The following CSTPP1 variants were observed in gnomAD, a reference collection of about 807,000 sequenced individuals.
The protein encoded by CSTPP1 is centriolar satellite-associated tubulin polyglutamylase complex regulator 1.
the CSTPP1 span, among the ~76,000 whole-genome samples, chr11:47,008,060 C>T: frequency 1.7e-4 from 26 of 152,146 alleles, no homozygotes; most frequent in East Asian, 4.1e-3. Context: ...CTCTGCCTCC[C>T]GGGTTCAAGT....
chr11:47,164,124 C>A, the CSTPP1 span: 5 of 1,613,454 alleles, frequency 3.1e-6, no homozygotes, highest in South Asian at 3.3e-5. Flanking sequence ...CCGGACCTCA[C>A]GGCAGCACAG....
At chr11:47,051,518 G>A in the CSTPP1 span, among the ~76,000 whole-genome samples, 277 of 151,700 alleles carry the variant, frequency 1.8e-3, no homozygotes, top group African/African-American at 6.2e-3. Flanking sequence ...TTCTTGTTCT[G>A]TTTGGACCCT....
the CSTPP1 span, among the ~76,000 whole-genome samples, chr11:47,081,835 A>G: frequency 1.3e-5 from 2 of 152,092 alleles, no homozygotes; most frequent in Non-Finnish European, 2.9e-5. Flanking sequence ...TCATACCTGT[A>G]ATCCCAGCAC....
chr11:47,105,348 A>C, the CSTPP1 span, among the ~76,000 whole-genome samples: 1 of 151,984 alleles, frequency 6.6e-6, no homozygotes, highest in Non-Finnish European at 1.5e-5. Context: ...AATAAATAAA[A>C]ATTTTAAAAG....
the CSTPP1 span, among the ~76,000 whole-genome samples, chr11:47,020,810 C>T: frequency 6.6e-6 from 1 of 152,158 alleles, no homozygotes; most frequent in Admixed American, 6.5e-5. Flanking sequence ...CTAATAGGCA[C>T]AGTGTTTGGG....
the CSTPP1 span, among the ~76,000 whole-genome samples, chr11:47,088,526 T>C: frequency 1.2e-4 from 18 of 152,296 alleles, no homozygotes; most frequent in South Asian, 4.1e-4. Flanking sequence ...ACAGGACTAG[T>C]AAAAATAAAT....
At chr11:46,944,651 A>G in the CSTPP1 span, among the ~76,000 whole-genome samples, 6 of 152,094 alleles carry the variant, frequency 3.9e-5, no homozygotes, top group East Asian at 3.9e-4. Flanking sequence ...ACTTTGGCTT[A>G]AAGACTCTCA....
chr11:46,936,820 G>A, the CSTPP1 span: 3 of 1,608,746 alleles, frequency 1.9e-6, no homozygotes, highest in African/African-American at 4.0e-5. Context: ...TGAGTCCGGA[G>A]CGCCTAGCCC....
At chr11:47,157,151 C>A in the CSTPP1 span, 1 of 1,613,408 alleles carries the variant, frequency 6.2e-7, no homozygotes, top group Non-Finnish European at 8.5e-7. Flanking sequence ...GGCCGGCACG[C>A]TGGAGGGCGT....
chr11:47,120,185 T>G, the CSTPP1 span, among the ~76,000 whole-genome samples: 15 of 152,360 alleles, frequency 9.8e-5, no homozygotes, highest in South Asian at 2.7e-3. The surrounding 1 kb of genome is among the most constrained non-coding windows in gnomAD (Gnocchi z 4.2). Context: ...TATGTTGAGA[T>G]GCATTGAGAT....
At chr11:47,101,830 A>G in the CSTPP1 span, among the ~76,000 whole-genome samples, 423 of 152,276 alleles carry the variant, frequency 2.8e-3, 3 homozygotes, top group Middle Eastern at 0.027. Flanking sequence ...CCGTGATCCT[A>G]GATTAAAGTA....
the CSTPP1 span, among the ~76,000 whole-genome samples, chr11:46,986,630 G>A: frequency 6.6e-5 from 10 of 151,856 alleles, no homozygotes; most frequent in African/African-American, 2.2e-4. Context: ...CACTGCATCT[G>A]GCTAATTTTT....
At chr11:47,119,103 G>A in the CSTPP1 span, among the ~76,000 whole-genome samples, 1 of 152,242 alleles carries the variant, frequency 6.6e-6, no homozygotes, top group African/African-American at 2.4e-5. Context: ...GAGCTGCGGT[G>A]GGCTCCGCCC....
the CSTPP1 span, among the ~76,000 whole-genome samples, chr11:47,018,098 G>A: frequency 3.3e-5 from 5 of 152,062 alleles, no homozygotes; most frequent in Admixed American, 3.3e-4. Context: ...GTATTGTATT[G>A]TATATATGTA....
the CSTPP1 span, among the ~76,000 whole-genome samples, chr11:46,964,548 G>A: frequency 3.3e-5 from 5 of 152,202 alleles, no homozygotes; most frequent in African/African-American, 1.2e-4. Context: ...GCCCCCCAGA[G>A]TGCTGGGATT....
chr11:47,095,200 T>A, the CSTPP1 span, among the ~76,000 whole-genome samples: 1 of 152,096 alleles, frequency 6.6e-6, no homozygotes, highest in Non-Finnish European at 1.5e-5. Flanking sequence ...CGCTTAAAAA[T>A]CAATGAAGGG....
chr11:47,054,557 C>G, the CSTPP1 span, among the ~76,000 whole-genome samples: 1 of 151,744 alleles, frequency 6.6e-6, no homozygotes, highest in African/African-American at 2.4e-5. Flanking sequence ...AAGGCCTCAG[C>G]CTCCCAAAGC....
chr11:46,991,805 A>G, the CSTPP1 span, among the ~76,000 whole-genome samples: 1 of 152,064 alleles, frequency 6.6e-6, no homozygotes, highest in African/African-American at 2.4e-5. Flanking sequence ...CAGTGGTGCA[A>G]TCTTGGCTCA....
the CSTPP1 span, among the ~76,000 whole-genome samples, chr11:47,143,197 G>C: frequency 6.6e-6 from 1 of 152,208 alleles, no homozygotes; most frequent in Non-Finnish European, 1.5e-5. Context: ...ATCCCAGAAA[G>C]CATCCCCTGA....
Sources: allele counts gnomAD v4.1 joint callset (sites outside exome capture counted in the v4.1 genomes callset), GRCh38; gene constraint gnomAD v4.1.1; non-coding constraint Gnocchi (gnomAD v3.1); transcripts MANE v1.5; gene names NCBI Gene and HGNC (gene_info 2026-07-23, HGNC 2026-07-21).